INPP5A: variants seen among roughly 807,000 people sequenced by gnomAD.
INPP5A encodes the protein inositol polyphosphate-5-phosphatase A.
A neutral mutation model predicts 65.2 loss-of-function variants in INPP5A; 14 were observed. That is an observed-to-expected ratio of 0.21 (90% CI 0.14 to 0.34). The LOEUF (loss-of-function observed/expected upper bound fraction) is 0.34. Ranked by LOEUF, INPP5A falls within the 10% of genes least tolerant of loss-of-function variation. The pLI is 1.00. For synonymous variants in INPP5A, 207 were observed against 208.3 expected (o/e 0.99, Z 0.05); for missense variants, 431 against 545.6 (o/e 0.79, Z 2.09).
intron 1 of INPP5A, among the ~76,000 whole-genome samples, chr10:132,580,797 T>G (rs187614554): frequency 2.6e-5 from 4 of 152,388 alleles, no homozygotes; most frequent in Admixed American, 2.6e-4. Context: ...ATTGTTGATT[T>G]TGATGCATTT....
intron 6 of INPP5A, among the ~76,000 whole-genome samples, chr10:132,699,343 G>A (rs1339558706): frequency 6.9e-6 from 1 of 145,256 alleles, no homozygotes; most frequent in Non-Finnish European, 1.5e-5. Flanking sequence ...GCCCTTTGTG[G>A]GAAGCGTGGG....
chr10:132,574,544 G>A (rs2071391615), intron 1 of INPP5A, among the ~76,000 whole-genome samples: 1 of 151,948 alleles, frequency 6.6e-6, no homozygotes, highest in Non-Finnish European at 1.5e-5. Context: ...GTTTACTGAT[G>A]CCTCCTGGGC....
rs748008299 is a variant in INPP5A at position 132,765,830 on chromosome 10, A to G, written c.961A>G (p.Ile321Val). 6.3e-7 allele frequency: 1 copy of G among 1,599,858 alleles called. No homozygotes were observed. The highest frequency in any genetic ancestry group is 2.2e-5 in the East Asian group (1 of 44,814). The stretch of plus-strand genomic sequence containing the variant: ...TAAGGACAGACTGTATGAACTGGAC[A>G]TCTCGTTCCCTCCCAGGTATGGAAC... ...VFKDRLYELD[I>V]SFPPSYPYSE... Residue 321 changes from isoleucine (I) to valine (V), a missense_variant, in exon 12 of 16, where the codon ATC becomes GTC. Physicochemically the swap from Ile to Val is conservative, Grantham distance 29 (BLOSUM62 3). Coordinates refer to ENST00000368594, the MANE Select transcript of INPP5A (RefSeq NM_005539.5).
chr10:132,630,057 G>A (rs1298553776), intron 2 of INPP5A, among the ~76,000 whole-genome samples: 2 of 152,014 alleles, frequency 1.3e-5, no homozygotes, highest in Non-Finnish European at 2.9e-5. Context: ...GGAGGAGGGC[G>A]TCCTCGAGGA....
In INPP5A at chr10:132,782,736, G is replaced by A. The variant is rs985905081; in HGVS notation, c.*707G>A. The A allele has an allele frequency of 2.6e-5, 4 of 152,368 alleles. No individual in the cohort carries two copies. The highest frequency in any genetic ancestry group is 4.4e-5 in the Non-Finnish European group (3 of 68,032). The allele number at this position is 152,368 out of a possible 1,614,324, so 9.4% of individuals were successfully genotyped here. A position where few individuals can be genotyped will look rare whatever the true frequency, so the allele number is the denominator to read the frequency against. On this transcript the variant is annotated 3_prime_UTR_variant, in exon 16 of 16. Transcript: ENST00000368594. This position sits in a 1 kb window ranked among gnomAD's most constrained non-coding sequence, Gnocchi z 4.4. ...GGCATTGGAGTCTAGGAGCTCAGCT[G>A]TGTGTCCATCAACACACAAATTCGT...
intron 11 of INPP5A, among the ~76,000 whole-genome samples, chr10:132,750,936 A>G (rs890006461): frequency 6.6e-6 from 1 of 152,204 alleles, no homozygotes; most frequent in Non-Finnish European, 1.5e-5. Context: ...TGGGCCAGCC[A>G]GGTGTCTGTG....
chr10:132,710,410 G>A lies in INPP5A; in HGVS notation c.601G>A (p.Val201Met), dbSNP rs201458514. ...NLVAWETSPS[V>M]YSGIRHKALG... is the part of the protein sequence containing the mutation. ...GGTCGCCTGGGAAACAAGCCCTTCC[G>A]TGTACTCGGGAATCCGGCACAAGGC... The change falls in exon 8 of 16, where the codon GTG (valine) becomes ATG (methionine). Residue 201 changes from valine to methionine, a missense_variant. Transcript: ENST00000368594. The A allele has an allele frequency of 4.8e-4, 767 of 1,614,066 alleles. 11 individuals carry two copies. The South Asian group carries it at 6.6e-3, about 14-fold the overall frequency.
rs533325741 is a variant in INPP5A at position 132,770,553 on chromosome 10, GGCCCCGCAGA to G, written c.977+4711_977+4720del. ...GAAAGCCACATGCCACCATCGAAAT[GGCCCCGCAGA>G]GCCTCGCTGGCCGCCCCGGTGGCCT... On this transcript the variant is annotated intron_variant, in intron 12 of 15. Coordinates refer to ENST00000368594, the MANE Select transcript of INPP5A (RefSeq NM_005539.5). Among the ~76,000 whole-genome samples the G allele has an allele frequency of 6.4e-3, 973 of 152,252 alleles. 6 individuals are homozygous for G. Among genetic ancestry groups the G allele is most frequent in the African/African-American group, 0.021 (875 of 41,536 alleles).
intron 1 of INPP5A, among the ~76,000 whole-genome samples, chr10:132,577,243 T>C (rs567730107): frequency 6.6e-6 from 1 of 152,218 alleles, no homozygotes; most frequent in South Asian, 2.1e-4. Flanking sequence ...ACGCCGCCCG[T>C]GGTGCATCAC....
At chr10:132,732,481 G>A (rs1183260900) in intron 9 of INPP5A, among the ~76,000 whole-genome samples, 1 of 152,208 alleles carries the variant, frequency 6.6e-6, no homozygotes, top group East Asian at 1.9e-4. Context: ...TCAAGGGAGG[G>A]CCACACCTCT....
At chr10:132,735,992 A>G (rs1322188149) in intron 9 of INPP5A, among the ~76,000 whole-genome samples, 1 of 152,208 alleles carries the variant, frequency 6.6e-6, no homozygotes, top group Non-Finnish European at 1.5e-5. Flanking sequence ...ACTGTCCCCC[A>G]GGAATGCGCA....
intron 1 of INPP5A, among the ~76,000 whole-genome samples, chr10:132,599,418 G>A (rs2071748759): frequency 6.6e-6 from 1 of 152,224 alleles, no homozygotes; most frequent in African/African-American, 2.4e-5. Flanking sequence ...TCACATCTAG[G>A]TCACACTGTT....
chr10:132,576,788 A>G (rs547790657), intron 1 of INPP5A, among the ~76,000 whole-genome samples: 35 of 152,194 alleles, frequency 2.3e-4, no homozygotes, highest in Non-Finnish European at 4.1e-4. Context: ...CTGACCGGCC[A>G]CAGACCCTGG....
chr10:132,757,603 G>A (rs546689824), intron 11 of INPP5A, among the ~76,000 whole-genome samples: 3 of 152,368 alleles, frequency 2.0e-5, no homozygotes, highest in South Asian at 4.1e-4. Flanking sequence ...TCCGTGACAC[G>A]TGACTGTGTG....
At chr10:132,671,666 G>T (rs2072894550) in intron 4 of INPP5A, among the ~76,000 whole-genome samples, 1 of 152,208 alleles carries the variant, frequency 6.6e-6, no homozygotes, top group Admixed American at 6.5e-5. Context: ...AACACCTCCT[G>T]GAATAGCCGT....
intron 12 of INPP5A, among the ~76,000 whole-genome samples, chr10:132,772,682 G>A (rs527307748): frequency 3.8e-5 from 4 of 106,016 alleles, no homozygotes; most frequent in Non-Finnish European, 8.1e-5. Flanking sequence ...GCCGCCCCAC[G>A]AAGAGTGGGA....
At chr10:132,556,700 C>T (rs968598836) in intron 1 of INPP5A, among the ~76,000 whole-genome samples, 5 of 152,154 alleles carry the variant, frequency 3.3e-5, no homozygotes, top group African/African-American at 1.2e-4. Context: ...TAAAATGTGA[C>T]CTATTAGATG....
intron 2 of INPP5A, among the ~76,000 whole-genome samples, chr10:132,629,621 C>T (rs61862795): frequency 0.011 from 1,746 of 152,374 alleles, 11 homozygotes; most frequent in Middle Eastern, 0.02. Flanking sequence ...TCACTTGCTG[C>T]TGCGTGGTTT....
chr10:132,718,715 G>T (rs1468817778), intron 8 of INPP5A, among the ~76,000 whole-genome samples: 1 of 146,826 alleles, frequency 6.8e-6, no homozygotes, highest in African/African-American at 2.5e-5. Flanking sequence ...CGGTTGTCTG[G>T]CGGGTTCTGT....
Sources: allele counts gnomAD v4.1 joint callset (sites outside exome capture counted in the v4.1 genomes callset), GRCh38; gene constraint gnomAD v4.1.1; non-coding constraint Gnocchi (gnomAD v3.1); transcripts MANE v1.5; gene names NCBI Gene and HGNC (gene_info 2026-07-23, HGNC 2026-07-21).